Variants in DCHS1 observed in about 807,000 individuals in gnomAD.
DCHS1 encodes dachsous cadherin-related 1.
DCHS1 carries 78 observed loss-of-function variants against 213.9 expected under a neutral mutation model. That is an observed-to-expected ratio of 0.36 (90% CI 0.30 to 0.44). The LOEUF is 0.44. Among genes scored for constraint, DCHS1 ranks in the 20% least tolerant of loss-of-function variants. DCHS1 has a pLI of 1.00. For missense variants in DCHS1, 3,946 were observed against 4,395.9 expected (o/e 0.90, Z 2.89); for synonymous variants, 1,828 against 1,873.7 (o/e 0.98, Z 0.63).
rs553295245 is a variant in DCHS1, at chr11:6,646,948, G to A, written c.-120-5215C>T. Among the ~76,000 whole-genome samples, 93 of 152,184 alleles carry A rather than the reference G, an allele frequency of 6.1e-4. 1 individual carries two copies. The highest frequency in any genetic ancestry group is 3.9e-4 in the East Asian group (2 of 5,148). On this transcript the variant is annotated intron_variant, in intron 1 of 20. Transcript: ENST00000299441. ...GAGCAGGGGGACTACAAGGGAAGGG[G>A]GTGCTCCAGGAGGAAGTAGAGGAGT...
At chr11:6,649,528 T>A in intron 1 of DCHS1, among the ~76,000 whole-genome samples, 1 of 148,448 alleles carries the variant, frequency 6.7e-6, no homozygotes, top group African/African-American at 2.5e-5. Flanking sequence ...GGAGAGGAGG[T>A]CGTAGGGTAC....
rs554384031 is a variant in DCHS1 at position 6,621,680 on chromosome 11, A to C, written c.*99T>G. On this transcript the variant is annotated 3_prime_UTR_variant, in exon 21 of 21. Transcript: ENST00000299441. ...TGGGGCCTGGTGGTGGCCTCCCCGT[A>C]GCCAGTCATAGTCCGAGGCTGCCCA... is the stretch of plus-strand genomic sequence containing the variant. 3.3e-4 allele frequency: 458 copies of C among 1,401,642 alleles called. 3 individuals are homozygous for C. The African/African-American group carries it at 6.1e-3, about 19-fold the overall frequency. The allele number at this position is 1,401,642 out of a possible 1,614,324, so 86.8% of individuals were successfully genotyped here.
intron 1 of DCHS1, among the ~76,000 whole-genome samples, chr11:6,642,521 G>A (rs1332102407): frequency 1.3e-5 from 2 of 151,616 alleles, no homozygotes; most frequent in East Asian, 3.9e-4. Flanking sequence ...GGCAATGGTG[G>A]CCAGAGAAGG....
At chr11:6,650,883 G>A (rs1402924517) in intron 1 of DCHS1, among the ~76,000 whole-genome samples, 1 of 152,192 alleles carries the variant, frequency 6.6e-6, no homozygotes, top group African/African-American at 2.4e-5. Flanking sequence ...GAGGATCGAG[G>A]GAGACGAAGG....
At position 6,623,711 on chromosome 11, in the gene DCHS1, G is replaced by A; in HGVS notation, c.7965C>T (p.Ser2655=). Residue 2655 remains serine, a synonymous_variant, in exon 21 of 21, where the codon AGC becomes AGT. Coordinates refer to ENST00000299441, the MANE Select transcript of DCHS1 (RefSeq NM_003737.4). Reference sequence around the variant, plus strand: ...CATGGGCCAGTCGCAAGGTGCCTGAGCTCTCATCCAGCTCAAAGAGCCCTG... The same window carrying A: ...CATGGGCCAGTCGCAAGGTGCCTGAACTCTCATCCAGCTCAAAGAGCCCTG... The part of the protein sequence containing the change: ...DPSGLFELDE[S]SGTLRLAHAL... The A allele has an allele frequency of 6.2e-7, 1 of 1,613,870 alleles. No homozygotes were observed. The highest frequency in any genetic ancestry group is 1.7e-5 in the Admixed American group (1 of 60,032).
chr11:6,625,153 G>A lies in DCHS1; in HGVS notation c.7146+45C>T. 1 of 1,532,950 alleles carries A rather than the reference G, an allele frequency of 6.5e-7. No individual in the cohort carries two copies. The highest frequency in any genetic ancestry group is 8.8e-7 in the Non-Finnish European group (1 of 1,141,174). 95.0% of individuals were successfully genotyped at this position (1,532,950 alleles called of 1,614,324 possible). A position where few individuals can be genotyped will look rare whatever the true frequency, so the allele number is the denominator to read the frequency against. ...TAGCTCTGATACTTCCCTCCAACAG[G>A]AACAACCCAGGCCCAGGTGTAGGTG... On this transcript the variant is annotated intron_variant, in intron 19 of 20. Coordinates refer to ENST00000299441, the MANE Select transcript of DCHS1 (RefSeq NM_003737.4). This position sits in a 1 kb window ranked among gnomAD's most constrained non-coding sequence, Gnocchi z 5.3.
At chr11:6,633,699 G>C in intron 4 of DCHS1, 51 bp from the exon 5 acceptor site, 1 of 1,607,524 alleles carries the variant, frequency 6.2e-7, no homozygotes, top group South Asian at 1.1e-5. Flanking sequence ...AATAGGGCTA[G>C]AAAGGTTATG....
chr11:6,647,403 C>G (rs974563546), intron 1 of DCHS1, among the ~76,000 whole-genome samples: 9 of 152,084 alleles, frequency 5.9e-5, no homozygotes, highest in African/African-American at 2.2e-4. Context: ...AACTAGCTTC[C>G]CTGGATATCC....
In DCHS1 at chr11:6,654,601, G is replaced by A. The variant is rs948221128; in HGVS notation, c.-121+962C>T. ...GGTGTGTGTTGGCTTGATAGAGTCT[G>A]CTGTAGGTGTGTGTTGGTTCTGACT... On this transcript the variant is annotated intron_variant, in intron 1 of 20. Coordinates refer to ENST00000299441, the MANE Select transcript of DCHS1 (RefSeq NM_003737.4). 2.6e-5 allele frequency among the ~76,000 whole-genome samples: 4 copies of A among 152,054 alleles called. No individual in the cohort carries two copies. In the East Asian group the frequency reaches 7.7e-4, roughly 29 times the overall value.
chr11:6,630,960 C>G (rs1013575200), intron 9 of DCHS1, 93 bp downstream of exon 9: 6 of 1,518,460 alleles, frequency 4.0e-6, no homozygotes, highest in Non-Finnish European at 4.4e-6. Context: ...GTCAGAGTAG[C>G]CTGACTGCTA....
chr11:6,639,421 A>C (rs922180280), intron 2 of DCHS1, among the ~76,000 whole-genome samples: 1 of 152,222 alleles, frequency 6.6e-6, no homozygotes, highest in Non-Finnish European at 1.5e-5. Context: ...TTCTTCCAGC[A>C]CAACCCAGCA....
chr11:6,634,949 T>C (rs1186133674), intron 2 of DCHS1: 1 of 152,202 alleles, frequency 6.6e-6, no homozygotes, highest in Non-Finnish European at 1.5e-5. Flanking sequence ...AGTATTGATT[T>C]TGGAGTTACA....
chr11:6,632,157 G>A lies in DCHS1; in HGVS notation c.3355C>T (p.Pro1119Ser). 6.3e-7 allele frequency: 1 copy of A among 1,593,832 alleles called. No homozygotes were observed. Among genetic ancestry groups the A allele is most frequent in the African/African-American group, 1.3e-5 (1 of 74,754 alleles). ...ACTCGGCCCACGCTGGTCCCTGGGG[G>A]CTGGTTCTCAGCCACAGCCAGGAAG... is the stretch of plus-strand genomic sequence containing the variant. Reference protein sequence around the residue: ...PTFLAVAENQPPGTSVGRVFA... With the variant: ...PTFLAVAENQSPGTSVGRVFA... The change falls in exon 6 of 21, where the codon CCC (proline) becomes TCC (serine). Residue 1119 changes from proline (P) to serine (S), a missense_variant. Pro to Ser is a moderately conservative substitution (Grantham distance 74). Around this residue, in one of 3 missense-constraint regions of DCHS1, gnomAD observed 3,384 missense variants for 3,780.1 expected, o/e 0.90. Transcript: ENST00000299441. The surrounding 1 kb of genome is among the most constrained non-coding windows in gnomAD (Gnocchi z 5.9).
chr11:6,653,781 G>C (rs963289047), intron 1 of DCHS1, among the ~76,000 whole-genome samples: 7 of 152,318 alleles, frequency 4.6e-5, no homozygotes, highest in Admixed American at 1.3e-4. Context: ...CTTAGCATAT[G>C]AGCTGGAAAG....
Position 6,630,543 on chromosome 11 carries a change from C to A in DCHS1, c.4251G>T (p.Ala1417=). 1 of 1,531,820 alleles carries A rather than the reference C, an allele frequency of 6.5e-7. No individual in the cohort carries two copies. 94.9% of individuals were successfully genotyped at this position (1,531,820 alleles called of 1,614,324 possible). A position where few individuals can be genotyped will look rare whatever the true frequency, so the allele number is the denominator to read the frequency against. Residue 1417 remains alanine, a synonymous_variant, in exon 10 of 21, where the codon GCG becomes GCT. Coordinates refer to ENST00000299441, the MANE Select transcript of DCHS1 (RefSeq NM_003737.4). ...CTTGCACCTGCACTCGCAGCAGCCGCGCGCCCGCGCCTCCCGGCCCCTCAG... is the reference window on the plus strand; with the variant it reads ...CTTGCACCTGCACTCGCAGCAGCCGAGCGCCCGCGCCTCCCGGCCCCTCAG... ...VRAEGPGGAG[A]RLLRVQVQVQ... is the part of the protein sequence containing the mutation.
rs61735329 is a variant in DCHS1 at position 6,621,514 on chromosome 11, G to C, written c.*265C>G. Reference sequence around the variant, plus strand: ...CATCTCAGGGTGCTGGTGCAGGGCAGGGATCCCTCACTGAGGAGAACCCAG... The same window carrying C: ...CATCTCAGGGTGCTGGTGCAGGGCACGGATCCCTCACTGAGGAGAACCCAG... On this transcript the variant is annotated 3_prime_UTR_variant, in exon 21 of 21. Transcript: ENST00000299441. The C allele has an allele frequency of 7.3e-4, 443 of 604,804 alleles. 5 individuals are homozygous for C. Among genetic ancestry groups the C allele is most frequent in the Admixed American group, 1.8e-3 (78 of 43,712 alleles). The allele number at this position is 604,804 out of a possible 1,614,324, so 37.5% of individuals were successfully genotyped here.
chr11:6,630,080 G>T lies in DCHS1; in HGVS notation c.4714C>A (p.Pro1572Thr), dbSNP rs761986741. The T allele has an allele frequency of 6.3e-7, 1 of 1,588,980 alleles. No individual in the cohort carries two copies. Among genetic ancestry groups the T allele is most frequent in the African/African-American group, 1.3e-5 (1 of 74,198 alleles). ...PAALHVVARD[P>T]DLGEAARVSY... ...ACGCGTGCAGCCTCGCCCAGATCCG[G>T]GTCCCGGGCTACCACGTGCAGGGCC... The change falls in exon 10 of 21, where the codon CCG becomes ACG. Residue 1572 changes from proline to threonine, a missense_variant. Physicochemically the swap from Pro to Thr is conservative, Grantham distance 38. This residue lies in a region of DCHS1 where 3,384 missense variants were observed against 3,780.1 expected (regional missense o/e 0.90). Coordinates refer to ENST00000299441, the MANE Select transcript of DCHS1 (RefSeq NM_003737.4).
At chr11:6,655,444 C>G in intron 1 of DCHS1, 119 bp downstream of exon 1, 3 of 642,324 alleles carry the variant, frequency 4.7e-6, no homozygotes, top group Non-Finnish European at 5.8e-6. Context: ...GGCCCCCCCT[C>G]CCCCATTGTC....
rs1339779999 is a variant in DCHS1, at chr11:6,626,664, C to T, written c.6252G>A (p.Gly2084=). 1 of 1,613,370 alleles carries T rather than the reference C, an allele frequency of 6.2e-7. No individual in the cohort carries two copies. Among genetic ancestry groups the T allele is most frequent in the African/African-American group, 1.3e-5 (1 of 75,018 alleles). ...CGGCCCTGGGGGAGACAATAGGAGT[C>T]CCTGCAGAAAGAACGGTATTGTTGG... The part of the protein sequence containing the change: ...EATIRENAPP[G]TPIVSPRAVH... The change falls in exon 15 of 21, where the codon GGG becomes GGA. Residue 2084 remains glycine (G), a splice_region_variant and synonymous_variant. Transcript: ENST00000299441. This position sits in a 1 kb window ranked among gnomAD's most constrained non-coding sequence, Gnocchi z 5.2.
Sources: allele counts gnomAD v4.1 joint callset (sites outside exome capture counted in the v4.1 genomes callset), GRCh38; gene constraint gnomAD v4.1.1; regional missense constraint gnomAD v4.1.1; non-coding constraint Gnocchi (gnomAD v3.1); transcripts MANE v1.5; gene names NCBI Gene and HGNC (gene_info 2026-07-23, HGNC 2026-07-21).